RAD51B: variants seen among roughly 807,000 people sequenced by gnomAD.
RAD51B encodes DNA repair protein RAD51 homolog 2.
Under a neutral mutation model 42.2 loss-of-function variants are expected in RAD51B, and 38 were observed. The ratio of observed to expected loss-of-function variants is 0.90; its 90% CI spans 0.70 to 1.18. RAD51B has a LOEUF of 1.18. RAD51B is among the 50% of genes most tolerant of loss of function. The pLI, the probability that RAD51B is intolerant of heterozygous loss-of-function variation, is 0.00. For missense variants in RAD51B, 373 were observed against 400.7 expected, an observed-to-expected ratio of 0.93 and a Z score of 0.59; for synonymous variants, 154 against 145.2, an observed-to-expected ratio of 1.06 and a Z score of -0.43.
chr14:68,552,377 C>T (rs988013562), intron 10 of RAD51B, among the ~76,000 whole-genome samples: 1 of 152,198 alleles, frequency 6.6e-6, no homozygotes, highest in Non-Finnish European at 1.5e-5. Flanking sequence ...CCCGCTAAAT[C>T]AACAGCACCT....
chr14:68,156,149 G>A (rs918803051), intron 7 of RAD51B, among the ~76,000 whole-genome samples: 2 of 152,114 alleles, frequency 1.3e-5, no homozygotes, highest in Non-Finnish European at 2.9e-5. Context: ...CTGGTTCCAG[G>A]GAGAGAGAAT....
intron 9 of RAD51B, among the ~76,000 whole-genome samples, chr14:68,412,182 G>C (rs1246126213): frequency 2.0e-5 from 3 of 152,152 alleles, no homozygotes; most frequent in Non-Finnish European, 4.4e-5. Flanking sequence ...GGACACCACT[G>C]TCTGACCTCT....
chr14:68,256,617 CTCTCAAACTGTTTTCTT>C (rs1321420676), intron 7 of RAD51B, among the ~76,000 whole-genome samples: 1 of 152,158 alleles, frequency 6.6e-6, no homozygotes, highest in African/African-American at 2.4e-5. Flanking sequence ...CTAATATTTT[CTCTCAAACTGTTTTCTT>C]TCGTCCTGTG....
At chr14:68,232,190 A>G (rs1194872094) in intron 7 of RAD51B, among the ~76,000 whole-genome samples, 1 of 152,172 alleles carries the variant, frequency 6.6e-6, no homozygotes, top group Non-Finnish European at 1.5e-5. Context: ...TTGGAATATA[A>G]AAGTTAGATA....
intron 9 of RAD51B, among the ~76,000 whole-genome samples, chr14:68,433,105 G>C (rs1167127973): frequency 2.0e-5 from 3 of 152,218 alleles, no homozygotes; most frequent in African/African-American, 7.2e-5. Context: ...TAGAGTTTCT[G>C]CTGAGAGATC....
chr14:68,140,657 A>G (rs2078110054), intron 7 of RAD51B, among the ~76,000 whole-genome samples: 1 of 152,238 alleles, frequency 6.6e-6, no homozygotes, highest in South Asian at 2.1e-4. Context: ...TTCAAGGTTC[A>G]CTAATCAGAA....
At chr14:68,586,601 C>T (rs115209226) in intron 10 of RAD51B, among the ~76,000 whole-genome samples, 1,649 of 152,304 alleles carry the variant, frequency 0.011, 24 homozygotes, top group African/African-American at 0.038. Context: ...AGGTGTCATG[C>T]TCAGCACAGC....
chr14:67,999,815 T>A (rs1351331662), intron 7 of RAD51B, among the ~76,000 whole-genome samples: 1 of 152,144 alleles, frequency 6.6e-6, no homozygotes, highest in Non-Finnish European at 1.5e-5. Flanking sequence ...GGAAATGATA[T>A]TTAAATTGTG....
At chr14:68,002,660 G>C (rs1159461431) in intron 7 of RAD51B, among the ~76,000 whole-genome samples, 1 of 152,034 alleles carries the variant, frequency 6.6e-6, no homozygotes, top group East Asian at 1.9e-4. Context: ...TTATAGTCAG[G>C]GTTTTACATT....
At chr14:68,474,932 G>A (rs527728014) in intron 10 of RAD51B, among the ~76,000 whole-genome samples, 77 of 152,324 alleles carry the variant, frequency 5.1e-4, no homozygotes, top group Middle Eastern at 3.4e-3. Context: ...TCCAGAGCTG[G>A]TTTGGCAGCT....
intron 7 of RAD51B, among the ~76,000 whole-genome samples, chr14:67,919,469 C>T (rs888419197): frequency 6.6e-6 from 1 of 152,150 alleles, no homozygotes; most frequent in African/African-American, 2.4e-5. Context: ...TCAGAGACGG[C>T]GCCAGAGGAA....
At chr14:68,634,892 T>C (rs1187335589) in intron 10 of RAD51B, among the ~76,000 whole-genome samples, 2 of 152,194 alleles carry the variant, frequency 1.3e-5, no homozygotes, top group Non-Finnish European at 2.9e-5. Flanking sequence ...GAATGCATCC[T>C]GAATCCTAGT....
intron 7 of RAD51B, among the ~76,000 whole-genome samples, chr14:67,995,582 T>C (rs1402004004): frequency 4.6e-5 from 7 of 151,944 alleles, no homozygotes; most frequent in Admixed American, 4.6e-4. Context: ...TGAATACTAT[T>C]GGAGACCAAG....
intron 8 of RAD51B, among the ~76,000 whole-genome samples, chr14:68,343,381 C>CTATTTCT (rs1356236762): frequency 6.6e-6 from 1 of 152,116 alleles, no homozygotes; most frequent in Non-Finnish European, 1.5e-5. Flanking sequence ...GCTTTTGTTG[C>CTATTTCT]ATGAACTTTT....
chr14:68,623,639 C>T (rs560655880), intron 10 of RAD51B, among the ~76,000 whole-genome samples: 1 of 152,274 alleles, frequency 6.6e-6, no homozygotes, highest in East Asian at 1.9e-4. Context: ...GGGTGGAGAG[C>T]CCAAAGAGTG....
intron 7 of RAD51B, among the ~76,000 whole-genome samples, chr14:68,122,729 A>G (rs1012987593): frequency 1.3e-5 from 2 of 152,238 alleles, no homozygotes; most frequent in Non-Finnish European, 2.9e-5. Context: ...AATGACTGAC[A>G]TAAGTATAGT....
intron 7 of RAD51B, among the ~76,000 whole-genome samples, chr14:68,032,278 C>G (rs2076059210): frequency 6.6e-6 from 1 of 152,108 alleles, no homozygotes; most frequent in Non-Finnish European, 1.5e-5. Context: ...TATTAAGAGT[C>G]TCTTGTCTTA....
intron 2 of RAD51B, 144 bp from the exon 3 acceptor site, chr14:67,825,320 A>G (rs952380755): frequency 1.8e-6 from 1 of 543,794 alleles, no homozygotes; most frequent in Admixed American, 3.6e-5. Context: ...TTATGGGGAA[A>G]ATACTACAAT....
intron 8 of RAD51B, among the ~76,000 whole-genome samples, chr14:68,294,180 T>TC: frequency 1.3e-5 from 2 of 152,308 alleles, no homozygotes; most frequent in Middle Eastern, 6.8e-3. Context: ...AGAAATTGCT[T>TC]CAGGGTTGCA....
Sources: allele counts gnomAD v4.1 joint callset (sites outside exome capture counted in the v4.1 genomes callset), GRCh38; gene constraint gnomAD v4.1.1; transcripts MANE v1.5; gene names NCBI Gene and HGNC (gene_info 2026-07-23, HGNC 2026-07-21).